The following SERPINI1 variants were observed in gnomAD, a reference collection of about 807,000 sequenced individuals.
The protein encoded by SERPINI1 is neuroserpin.
Under a neutral mutation model 41.1 loss-of-function variants are expected in SERPINI1, and 19 were observed. The observed-to-expected ratio is 0.46, with a 90% CI of 0.32 to 0.68. The LOEUF is 0.68. SERPINI1 is among the 30% of genes least tolerant of loss of function. SERPINI1 has a pLI of 0.03. For missense variants in SERPINI1, 460 were observed against 479.2 expected (o/e 0.96, Z 0.37); for synonymous variants, 138 against 156.6 (o/e 0.88, Z 0.89).
Position 167,764,219 on chromosome 3 carries a change from G to C in SERPINI1, c.-18-24892G>C, listed in dbSNP as rs147243908. On this transcript the variant is annotated intron_variant, in intron 1 of 8. Coordinates refer to ENST00000446050, the MANE Select transcript of SERPINI1 (RefSeq NM_001122752.2). The stretch of plus-strand genomic sequence containing the variant: ...CAATCAACAGATGGTGCTAACTGCT[G>C]TGATTATTAAGCCAAACACATTTGT... Among the ~76,000 whole-genome samples, 655 of 152,176 alleles carry C rather than the reference G, an allele frequency of 4.3e-3. 7 individuals carry two copies. The highest frequency in any genetic ancestry group is 0.015 in the African/African-American group (639 of 41,516).
At chr3:167,778,634 G>GTGA (rs1369894642) in intron 1 of SERPINI1, among the ~76,000 whole-genome samples, 1 of 152,166 alleles carries the variant, frequency 6.6e-6, no homozygotes, top group Non-Finnish European at 1.5e-5. Flanking sequence ...TTTGATAATA[G>GTGA]TGATGTGATT....
intron 1 of SERPINI1, among the ~76,000 whole-genome samples, chr3:167,759,761 T>C (rs1726319508): frequency 6.6e-6 from 1 of 151,988 alleles, no homozygotes; most frequent in South Asian, 2.1e-4. Context: ...ATGTACTCCC[T>C]GAAACTAAAA....
chr3:167,814,910 G>A (rs1275179628), intron 6 of SERPINI1, among the ~76,000 whole-genome samples: 1 of 145,382 alleles, frequency 6.9e-6, no homozygotes, highest in Non-Finnish European at 1.5e-5. Context: ...TGGCCAGAAG[G>A]AAAAGGCTGC....
chr3:167,770,092 T>C (rs1726697657), intron 1 of SERPINI1, among the ~76,000 whole-genome samples: 1 of 151,614 alleles, frequency 6.6e-6, no homozygotes, highest in Admixed American at 6.6e-5. Flanking sequence ...TGCAACCTTA[T>C]ATATTCAGAT....
rs368963712 is a variant in SERPINI1 at position 167,814,038 on chromosome 3, T to C, written c.979+6697T>C. ...TGTATTCCTTCATTCTCAGCTAAGA[T>C]TTGCCCTCTGAGACCCACCTTTCTG... On this transcript the variant is annotated intron_variant, in intron 6 of 8. Transcript: ENST00000446050. 7.9e-5 allele frequency among the ~76,000 whole-genome samples: 12 copies of C among 152,300 alleles called. 1 individual carries two copies. The highest frequency in any genetic ancestry group is 2.9e-4 in the African/African-American group (12 of 41,572).
intron 3 of SERPINI1, among the ~76,000 whole-genome samples, chr3:167,792,326 CTT>C (rs149610669): frequency 1.2e-3 from 168 of 141,930 alleles, no homozygotes; most frequent in African/African-American, 4.3e-3. Context: ...CCCTTAATTT[CTT>C]TTTTATATAT....
chr3:167,768,363 G>C (rs1726632514), intron 1 of SERPINI1, among the ~76,000 whole-genome samples: 1 of 152,194 alleles, frequency 6.6e-6, no homozygotes, highest in African/African-American at 2.4e-5. Context: ...GATTACAGTA[G>C]AGTGTAAGCA....
intron 5 of SERPINI1, among the ~76,000 whole-genome samples, chr3:167,804,204 A>C (rs991785331): frequency 6.6e-6 from 1 of 152,224 alleles, no homozygotes; most frequent in Non-Finnish European, 1.5e-5. Context: ...TTTAGCACTC[A>C]GTTTAGTTTG....
intron 1 of SERPINI1, among the ~76,000 whole-genome samples, chr3:167,785,831 T>C (rs1473258775): frequency 4.6e-5 from 7 of 152,338 alleles, no homozygotes; most frequent in Admixed American, 2.0e-4. Context: ...TCATGTTAAA[T>C]GCAGTGGTTT....
At chr3:167,785,012 G>A (rs1727262185) in intron 1 of SERPINI1, among the ~76,000 whole-genome samples, 1 of 152,168 alleles carries the variant, frequency 6.6e-6, no homozygotes, top group African/African-American at 2.4e-5. Context: ...GGAGGCCGAG[G>A]CGGGTGGATC....
intron 2 of SERPINI1, 42 bp from the exon 3 acceptor site, chr3:167,790,330 G>A (rs373926657): frequency 2.2e-4 from 308 of 1,407,200 alleles, no homozygotes; most frequent in Non-Finnish European, 2.2e-4. Context: ...ACATTTCACC[G>A]TGTTTGTTCT....
chr3:167,792,201 A>G (rs185462275), intron 3 of SERPINI1, among the ~76,000 whole-genome samples: 1 of 152,144 alleles, frequency 6.6e-6, no homozygotes, highest in Admixed American at 6.6e-5. Flanking sequence ...AGAGTTTTAC[A>G]TGCATCATTG....
intron 1 of SERPINI1, among the ~76,000 whole-genome samples, chr3:167,758,335 G>A (rs1419660692): frequency 6.6e-6 from 1 of 152,192 alleles, no homozygotes; most frequent in Non-Finnish European, 1.5e-5. Context: ...TGAAAAATAA[G>A]TAATGATAGC....
rs772999261 is a variant in SERPINI1 at position 167,790,560 on chromosome 3, G to T, written c.439G>T (p.Val147Leu). The change falls in exon 3 of 9, where the codon GTG (valine) becomes TTG (leucine). Residue 147 changes from valine (V) to leucine (L), a missense_variant. Coordinates refer to ENST00000446050, the MANE Select transcript of SERPINI1 (RefSeq NM_001122752.2). ...NHVDFSQNVA[V>L]ANYINKWVEN... The stretch of plus-strand genomic sequence containing the variant: ...TGTGGACTTCAGTCAAAATGTAGCC[G>T]TGGCCAACTACATCAATAAGTGGGT... 6.2e-7 allele frequency: 1 copy of T among 1,613,828 alleles called. No individual in the cohort carries two copies. The highest frequency in any genetic ancestry group is 8.5e-7 in the Non-Finnish European group (1 of 1,179,842).
At chr3:167,738,322 C>T (rs1049503420) in intron 1 of SERPINI1, among the ~76,000 whole-genome samples, 57 of 152,232 alleles carry the variant, frequency 3.7e-4, no homozygotes, top group Middle Eastern at 3.4e-3. Flanking sequence ...TTTCAAATTA[C>T]CATATCCTTT....
chr3:167,788,670 CTGCAAGG>C (rs1302405642), intron 1 of SERPINI1, among the ~76,000 whole-genome samples: 2 of 152,218 alleles, frequency 1.3e-5, no homozygotes, highest in Admixed American at 6.5e-5. Context: ...GGTAACCCAG[CTGCAAGG>C]TGCATTTACT....
At chr3:167,764,611 A>G (rs1409290679) in intron 1 of SERPINI1, among the ~76,000 whole-genome samples, 2 of 152,132 alleles carry the variant, frequency 1.3e-5, no homozygotes, top group Non-Finnish European at 2.9e-5. Flanking sequence ...GCTCCTCCCA[A>G]ATCTGACATC....
At chr3:167,739,250 T>C (rs1314764013) in intron 1 of SERPINI1, among the ~76,000 whole-genome samples, 1 of 152,136 alleles carries the variant, frequency 6.6e-6, no homozygotes, top group Non-Finnish European at 1.5e-5. Context: ...CTGAGCACTT[T>C]ATGTCATATT....
intron 1 of SERPINI1, among the ~76,000 whole-genome samples, chr3:167,740,581 CTG>C (rs1183232964): frequency 6.6e-6 from 1 of 152,200 alleles, no homozygotes; most frequent in Non-Finnish European, 1.5e-5. Context: ...TCTTAGACAT[CTG>C]TGTTAGTACC....
Sources: gnomAD v4.1 joint callset for allele counts (sites outside exome capture counted in the v4.1 genomes callset) on GRCh38, gnomAD v4.1.1 for gene constraint, MANE v1.5 for transcripts, NCBI Gene and HGNC (gene_info 2026-07-23, HGNC 2026-07-21) for gene names.